The following EXOC6B variants were observed in gnomAD, a reference collection of about 807,000 sequenced individuals.
EXOC6B encodes the protein exocyst complex component 6B.
EXOC6B carries 54 observed loss-of-function variants against 113.5 expected under a neutral mutation model. That is an observed-to-expected ratio of 0.48 (90% CI 0.38 to 0.60). The LOEUF (loss-of-function observed/expected upper bound fraction) is 0.60. EXOC6B is among the 20% of genes least tolerant of loss of function. EXOC6B has a pLI of 0.00. For missense variants in EXOC6B, 797 were observed against 977.5 expected (o/e 0.82, Z 2.46); for synonymous variants, 357 against 339.0 (o/e 1.05, Z -0.58).
At position 72,792,145 on chromosome 2, in the gene EXOC6B, C is replaced by T. The variant is rs948330139; in HGVS notation, c.113+33653G>A. 5.9e-5 allele frequency among the ~76,000 whole-genome samples: 9 copies of T among 152,284 alleles called. No individual in the cohort carries two copies. The East Asian group carries it at 1.7e-3, about 29-fold the overall frequency. ...ATTACTTCTAAGAGCATTCTGAATA[C>T]AGACTAAGAACTATTTTCTAAAAAC... On this transcript the variant is annotated intron_variant, in intron 1 of 21. Transcript: ENST00000272427.
chr2:72,670,044 AC>A (rs2104490372), intron 6 of EXOC6B, among the ~76,000 whole-genome samples: 1 of 152,208 alleles, frequency 6.6e-6, no homozygotes, highest in Admixed American at 6.5e-5. Context: ...TCATAACTCT[AC>A]AAAAGTTGCT....
chr2:72,499,191 A>G (rs1253039987), intron 12 of EXOC6B, among the ~76,000 whole-genome samples: 1 of 151,836 alleles, frequency 6.6e-6, no homozygotes, highest in Non-Finnish European at 1.5e-5. Context: ...TAATAAACCC[A>G]ACTTAAAACT....
chr2:72,180,664 G>T (rs62150119), intron 21 of EXOC6B, among the ~76,000 whole-genome samples: 10,669 of 152,238 alleles, frequency 0.07, 512 homozygotes, highest in African/African-American at 0.14. Context: ...TTGCCCCCAG[G>T]CTATTTCCCA....
At chr2:72,632,401 C>A (rs1257868981) in intron 6 of EXOC6B, among the ~76,000 whole-genome samples, 7 of 152,082 alleles carry the variant, frequency 4.6e-5, no homozygotes, top group Admixed American at 6.5e-5. Flanking sequence ...TAGGAAGAAC[C>A]TTAGATGTGT....
At chr2:72,715,480 A>G (rs1679554991) in intron 6 of EXOC6B, among the ~76,000 whole-genome samples, 1 of 148,278 alleles carries the variant, frequency 6.7e-6, no homozygotes, top group Non-Finnish European at 1.5e-5. Context: ...TATAATATAT[A>G]AAAATAAAAT....
At chr2:72,766,037 G>A (rs945046988) in intron 1 of EXOC6B, among the ~76,000 whole-genome samples, 10 of 152,154 alleles carry the variant, frequency 6.6e-5, no homozygotes, top group Admixed American at 2.6e-4. Flanking sequence ...AAAGAGAGAG[G>A]TTAAGATAAG....
intron 8 of EXOC6B, among the ~76,000 whole-genome samples, chr2:72,542,737 A>G (rs1156436951): frequency 6.6e-6 from 1 of 152,230 alleles, no homozygotes; most frequent in Non-Finnish European, 1.5e-5. Context: ...TGTTTAGATC[A>G]TGAGGCTCTG....
At chr2:72,497,408 G>A (rs1241685643) in intron 13 of EXOC6B, among the ~76,000 whole-genome samples, 3 of 151,676 alleles carry the variant, frequency 2.0e-5, no homozygotes, top group Non-Finnish European at 2.9e-5. Flanking sequence ...TTTTTAAATC[G>A]ATAGGTTCTC....
chr2:72,667,180 T>C (rs1215084472), intron 6 of EXOC6B, among the ~76,000 whole-genome samples: 2 of 152,068 alleles, frequency 1.3e-5, no homozygotes, highest in African/African-American at 4.8e-5. Flanking sequence ...AAGATTTCTA[T>C]AGAGAGAACT....
chr2:72,203,010 G>A (rs1336563105), intron 20 of EXOC6B, among the ~76,000 whole-genome samples: 3 of 152,102 alleles, frequency 2.0e-5, no homozygotes, highest in African/African-American at 7.2e-5. Flanking sequence ...TGTGCCTTTG[G>A]GCAAATTACT....
chr2:72,669,821 T>C (rs1479464776), intron 6 of EXOC6B, among the ~76,000 whole-genome samples: 2 of 152,222 alleles, frequency 1.3e-5, no homozygotes, highest in East Asian at 3.8e-4. Context: ...GGGATAGTCC[T>C]GTAAAATGAA....
intron 7 of EXOC6B, among the ~76,000 whole-genome samples, chr2:72,572,879 C>T (rs530391527): frequency 6.6e-6 from 1 of 152,072 alleles, no homozygotes; most frequent in East Asian, 1.9e-4. Context: ...AGATAGAATG[C>T]CATTAGATGA....
At chr2:72,568,676 ACTT>A (rs1356437624) in intron 7 of EXOC6B, among the ~76,000 whole-genome samples, 1 of 152,028 alleles carries the variant, frequency 6.6e-6, no homozygotes, top group African/African-American at 2.4e-5. Context: ...GAAGATGTAA[ACTT>A]CTTCAAAAGT....
intron 6 of EXOC6B, among the ~76,000 whole-genome samples, chr2:72,583,710 G>A (rs1705366675): frequency 6.8e-6 from 1 of 146,890 alleles, no homozygotes; most frequent in Non-Finnish European, 1.5e-5. Context: ...AAAGTTCTCT[G>A]GTTTTTTTTG....
chr2:72,717,593 T>C (rs563711387), intron 6 of EXOC6B, among the ~76,000 whole-genome samples: 2 of 152,104 alleles, frequency 1.3e-5, no homozygotes, highest in Non-Finnish European at 2.9e-5. Flanking sequence ...ACTGCTAACA[T>C]ATTTTTTAAT....
chr2:72,673,760 T>G (rs1676083646), intron 6 of EXOC6B, among the ~76,000 whole-genome samples: 1 of 149,956 alleles, frequency 6.7e-6, no homozygotes, highest in Non-Finnish European at 1.5e-5. Context: ...TATTTTATTA[T>G]TTTTTATTTT....
intron 20 of EXOC6B, among the ~76,000 whole-genome samples, chr2:72,313,925 CCAGATG>C (rs2104801922): frequency 6.6e-6 from 1 of 152,234 alleles, no homozygotes; most frequent in African/African-American, 2.4e-5. Flanking sequence ...TGAGCTGTTG[CCAGATG>C]CCCTGTAAAA....
chr2:72,391,120 T>A (rs1443263501), intron 18 of EXOC6B, among the ~76,000 whole-genome samples: 3 of 152,220 alleles, frequency 2.0e-5, no homozygotes, highest in Non-Finnish European at 4.4e-5. Flanking sequence ...TTGCTGGGTT[T>A]ACACTTCATT....
At chr2:72,287,266 A>T (rs935017323) in intron 20 of EXOC6B, among the ~76,000 whole-genome samples, 4 of 151,686 alleles carry the variant, frequency 2.6e-5, no homozygotes, top group African/African-American at 9.7e-5. Flanking sequence ...CGTCTCTACT[A>T]AAAATACAAA....
Sources: gnomAD v4.1 joint callset for allele counts (sites outside exome capture counted in the v4.1 genomes callset) on GRCh38, gnomAD v4.1.1 for gene constraint, MANE v1.5 for transcripts, NCBI Gene and HGNC (gene_info 2026-07-23, HGNC 2026-07-21) for gene names.